NAV3: variants seen among roughly 807,000 people sequenced by gnomAD.
NAV3 encodes neuron navigator 3.
NAV3 carries 87 observed loss-of-function variants against 244.7 expected under a neutral mutation model. That is an observed-to-expected ratio of 0.36 (90% CI 0.30 to 0.42). The LOEUF (loss-of-function observed/expected upper bound fraction) is 0.42, where lower values mean the gene tolerates loss of function less well. Among genes scored for constraint, NAV3 ranks in the 20% least tolerant of loss-of-function variants. The pLI, the probability that NAV3 is intolerant of heterozygous loss-of-function variation, is 1.00. For synonymous variants in NAV3, 1,126 were observed against 1,042.2 expected, an observed-to-expected ratio of 1.08 and a Z score of -1.55; for missense variants, 2,663 against 2,893.3, an observed-to-expected ratio of 0.92 and a Z score of 1.83.
intron 3 of NAV3, among the ~76,000 whole-genome samples, chr12:77,955,649 C>A (rs1449800875): frequency 1.3e-5 from 2 of 152,040 alleles, no homozygotes; most frequent in Non-Finnish European, 2.9e-5. Flanking sequence ...CATGGTAGAT[C>A]ACTTGAGGTC....
chr12:78,068,999 C>A (rs1404312407), intron 12 of NAV3, among the ~76,000 whole-genome samples: 1 of 150,540 alleles, frequency 6.6e-6, no homozygotes, highest in Non-Finnish European at 1.5e-5. Context: ...AATAGGCTAA[C>A]TAATGGGTTC....
At chr12:77,979,303 G>A (rs564406695) in intron 5 of NAV3, among the ~76,000 whole-genome samples, 3 of 151,478 alleles carry the variant, frequency 2.0e-5, no homozygotes, top group East Asian at 3.9e-4. Context: ...GAGGTGGGAG[G>A]ATGGCTTGAA....
intron 1 of NAV3, among the ~76,000 whole-genome samples, chr12:77,880,385 C>G (rs1260559296): frequency 6.6e-6 from 1 of 152,082 alleles, no homozygotes; most frequent in Non-Finnish European, 1.5e-5. Context: ...CATAGAGGCT[C>G]TATTTGGGGT....
At chr12:77,575,938 AGACAT>A (rs1268253553) in intron 2 of NAV3, among the ~76,000 whole-genome samples, 1 of 152,180 alleles carries the variant, frequency 6.6e-6, no homozygotes, top group Non-Finnish European at 1.5e-5. Flanking sequence ...TAAACCGGAA[AGACAT>A]GAGCAATATT....
chr12:77,986,485 G>T (rs1425882099), intron 5 of NAV3, among the ~76,000 whole-genome samples: 3 of 152,136 alleles, frequency 2.0e-5, no homozygotes, highest in Non-Finnish European at 2.9e-5. Context: ...TTTTTTGTAA[G>T]AAGCTTGATA....
intron 39 of NAV3, among the ~76,000 whole-genome samples, chr12:78,210,023 CA>C (rs1366354521): frequency 6.6e-6 from 1 of 152,182 alleles, no homozygotes; most frequent in African/African-American, 2.4e-5. Context: ...TCACGACTTT[CA>C]GTTGCCATTC....
chr12:77,895,474 A>C (rs930429120), intron 1 of NAV3, among the ~76,000 whole-genome samples: 1 of 152,008 alleles, frequency 6.6e-6, no homozygotes, highest in African/African-American at 2.4e-5. Context: ...CAAGATATAA[A>C]ACTTAGAATC....
intron 2 of NAV3, among the ~76,000 whole-genome samples, chr12:77,820,357 C>A (rs1284799281): frequency 6.6e-6 from 1 of 152,118 alleles, no homozygotes; most frequent in Non-Finnish European, 1.5e-5. Flanking sequence ...GATCAAGGCA[C>A]TGACATCTGG....
intron 2 of NAV3, among the ~76,000 whole-genome samples, chr12:77,808,278 C>T (rs1872090754): frequency 6.6e-6 from 1 of 152,124 alleles, no homozygotes; most frequent in Non-Finnish European, 1.5e-5. Context: ...GAATTTTCTG[C>T]CTTTTTGTGC....
chr12:77,627,095 A>G (rs11106016), intron 2 of NAV3, among the ~76,000 whole-genome samples: 17,578 of 152,160 alleles, frequency 0.12, 1,831 homozygotes, highest in African/African-American at 0.28. Flanking sequence ...GGACTGGCTG[A>G]ATAGATTTAT....
chr12:78,196,175 C>T (rs928012764), intron 34 of NAV3, among the ~76,000 whole-genome samples: 1 of 151,970 alleles, frequency 6.6e-6, no homozygotes, highest in African/African-American at 2.4e-5. Flanking sequence ...ATATTTTTTT[C>T]TGCATTCTCT....
intron 19 of NAV3, 56 bp from the exon 20 acceptor site, chr12:78,140,226 G>T (rs1956548022): frequency 2.7e-6 from 4 of 1,479,126 alleles, no homozygotes; most frequent in East Asian, 2.3e-5. Context: ...GTAAAGGCTG[G>T]AATTTTTGAG....
intron 20 of NAV3, among the ~76,000 whole-genome samples, chr12:78,141,296 A>G (rs1036607331): frequency 1.4e-4 from 22 of 152,202 alleles, no homozygotes; most frequent in Non-Finnish European, 2.5e-4. Flanking sequence ...TGTTTGGTAA[A>G]TACAATTCTA....
chr12:77,891,554 G>A (rs192743987), intron 1 of NAV3, among the ~76,000 whole-genome samples: 20 of 151,614 alleles, frequency 1.3e-4, no homozygotes, highest in African/African-American at 2.7e-4. Flanking sequence ...TTTAAATAAC[G>A]TTCCAGTCCT....
intron 5 of NAV3, 127 bp from the exon 6 acceptor site, chr12:77,994,676 T>C (rs1375116723): frequency 3.1e-6 from 2 of 638,854 alleles, no homozygotes; most frequent in Non-Finnish European, 5.3e-6. Context: ...AATTAATTTG[T>C]TCTTTATACA....
chr12:78,188,892 A>G (rs966053762), intron 33 of NAV3, 115 bp downstream of exon 33: 135 of 881,922 alleles, frequency 1.5e-4, no homozygotes, highest in Non-Finnish European at 2.1e-4. Context: ...AAAACTCTGT[A>G]GTATTTTAAA....
intron 1 of NAV3, among the ~76,000 whole-genome samples, chr12:77,899,104 T>G (rs1463951560): frequency 6.6e-6 from 1 of 152,210 alleles, no homozygotes; most frequent in Non-Finnish European, 1.5e-5. Flanking sequence ...AGGAGTTGCT[T>G]CTTATGGAGG....
chr12:77,966,246 C>T lies in NAV3; in HGVS notation c.432C>T (p.Val144=). The T allele has an allele frequency of 1.2e-6, 2 of 1,613,624 alleles. No homozygotes were observed. Among genetic ancestry groups the T allele is most frequent in the Non-Finnish European group, 1.7e-6 (2 of 1,179,786 alleles). The change falls in exon 4 of 40, where the codon GTC becomes GTT. Residue 144 remains valine, a synonymous_variant. Coordinates refer to ENST00000397909, the MANE Select transcript of NAV3 (RefSeq NM_001024383.2). Reference sequence around the variant, plus strand: ...TGTTGCAGATTGAAAATGTTGATGTCTGCCTTAGTTTTCTAGCAGCCAGAG... The same window carrying T: ...TGTTGCAGATTGAAAATGTTGATGTTTGCCTTAGTTTTCTAGCAGCCAGAG... The part of the protein sequence containing the change: ...SQSQMIENVD[V]CLSFLAARGV...
intron 15 of NAV3, among the ~76,000 whole-genome samples, chr12:78,120,454 A>C (rs765533336): frequency 1.3e-5 from 2 of 152,194 alleles, no homozygotes; most frequent in Non-Finnish European, 2.9e-5. Context: ...ACAGTGTCAT[A>C]TCTTGACACA....
Sources: allele counts gnomAD v4.1 joint callset (sites outside exome capture counted in the v4.1 genomes callset), GRCh38; gene constraint gnomAD v4.1.1; transcripts MANE v1.5; gene names NCBI Gene and HGNC (gene_info 2026-07-23, HGNC 2026-07-21).